SCNN1B: variants seen among roughly 807,000 people sequenced by gnomAD.
SCNN1B encodes sodium channel epithelial 1 subunit beta.
In SCNN1B, 46 loss-of-function variants were observed where a neutral mutation model predicts 65.3. The ratio of observed to expected loss-of-function variants is 0.70; its 90% CI spans 0.56 to 0.90. The LOEUF (loss-of-function observed/expected upper bound fraction) is 0.90. SCNN1B is among the 40% of genes least tolerant of loss of function. The pLI is 0.00. For missense variants in SCNN1B, 751 were observed against 830.5 expected (o/e 0.90, Z 1.18); for synonymous variants, 349 against 330.6 (o/e 1.06, Z -0.60).
chr16:23,351,357 T>C (rs152733), intron 2 of SCNN1B, among the ~76,000 whole-genome samples: 31,101 of 151,998 alleles, frequency 0.2, 3,393 homozygotes, highest in East Asian at 0.46. Flanking sequence ...GAGGTTAAGT[T>C]GCCCAAGATA....
chr16:23,300,980 T>G (rs548656336), upstream of SCNN1B, among the ~76,000 whole-genome samples: 1 of 138,218 alleles, frequency 7.2e-6, no homozygotes, highest in Admixed American at 7.2e-5. Flanking sequence ...ATAACATATA[T>G]GTGTTAAAAA....
chr16:23,347,033 G>T (rs1025953050), intron 1 of SCNN1B, among the ~76,000 whole-genome samples: 1 of 152,084 alleles, frequency 6.6e-6, no homozygotes, highest in Non-Finnish European at 1.5e-5. Context: ...GGAGTTCGAG[G>T]CTGCAGTGAG....
intron 7 of SCNN1B, among the ~76,000 whole-genome samples, chr16:23,374,066 G>A (rs1962838118): frequency 6.6e-6 from 1 of 152,048 alleles, no homozygotes; most frequent in South Asian, 2.1e-4. Context: ...GGGCCTGGAA[G>A]GACTCCCACT....
chr16:23,328,380 T>A (rs1369411376), intron 1 of SCNN1B, among the ~76,000 whole-genome samples: 1 of 152,136 alleles, frequency 6.6e-6, no homozygotes, highest in Admixed American at 6.6e-5. Flanking sequence ...ATTAAGTAAA[T>A]GATAGTATAA....
intron 1 of SCNN1B, among the ~76,000 whole-genome samples, chr16:23,279,252 G>A (rs1030448332): frequency 6.6e-6 from 1 of 152,094 alleles, no homozygotes; most frequent in Admixed American, 6.6e-5. Context: ...GCTAATTTTT[G>A]TATTTTTAGT....
intron 1 of SCNN1B, among the ~76,000 whole-genome samples, chr16:23,318,293 T>G (rs1961514102): frequency 6.6e-6 from 1 of 152,120 alleles, no homozygotes; most frequent in African/African-American, 2.4e-5. Context: ...TGCTTCCATC[T>G]CCTCGTCTAA....
intron 3 of SCNN1B, chr16:23,353,330 C>T: frequency 1.8e-6 from 1 of 547,724 alleles, no homozygotes; most frequent in South Asian, 2.1e-5. Context: ...CTAAGAAATC[C>T]AGAGGTATAC....
intron 1 of SCNN1B, among the ~76,000 whole-genome samples, chr16:23,311,221 C>A (rs1961337162): frequency 6.6e-6 from 1 of 152,272 alleles, no homozygotes; most frequent in Admixed American, 6.5e-5. Flanking sequence ...CTGGGAGCCA[C>A]TGGTGGCCCC....
intron 1 of SCNN1B, among the ~76,000 whole-genome samples, chr16:23,306,547 A>G (rs1596819337): frequency 6.8e-6 from 1 of 147,676 alleles, no homozygotes; most frequent in Admixed American, 6.7e-5. Context: ...AGGGAGGGAG[A>G]AGGAAGGAAA....
In SCNN1B at chr16:23,350,870, G is replaced by A. The variant is rs536749627; in HGVS notation, c.312-1931G>A. Among the ~76,000 whole-genome samples, 5 of 151,834 alleles carry A rather than the reference G, an allele frequency of 3.3e-5. No individual in the cohort carries two copies. In the East Asian group the frequency reaches 9.7e-4, roughly 30 times the overall value. On this transcript the variant is annotated intron_variant, in intron 2 of 12. Coordinates refer to ENST00000343070, the MANE Select transcript of SCNN1B (RefSeq NM_000336.3). ...GGAGGTTGCAGTGAGCCGAGATCTC[G>A]CCACTGCACTCCAGCCTGGGTGACA...
At chr16:23,333,648 GTACTAT>G (rs920788507) in intron 1 of SCNN1B, among the ~76,000 whole-genome samples, 4 of 152,116 alleles carry the variant, frequency 2.6e-5, no homozygotes, top group Non-Finnish European at 4.4e-5. Context: ...GAAGGCACAG[GTACTAT>G]TATTCCCATT....
In SCNN1B at chr16:23,310,069, T is replaced by C. The variant is rs150111598; in HGVS notation, c.-9+7632T>C. On this transcript the variant is annotated intron_variant, in intron 1 of 12. Transcript: ENST00000343070. Reference sequence around the variant, plus strand: ...AAGCACGCCCCTCCACACATCCTCTTTGAAGCACTGATTAAGAGTCAGAAG... The same window carrying C: ...AAGCACGCCCCTCCACACATCCTCTCTGAAGCACTGATTAAGAGTCAGAAG... 2.9e-4 allele frequency among the ~76,000 whole-genome samples: 44 copies of C among 152,156 alleles called. No homozygotes were observed. In the East Asian group the frequency reaches 7.5e-3, roughly 26 times the overall value.
intron 1 of SCNN1B, among the ~76,000 whole-genome samples, chr16:23,338,652 G>T (rs573404316): frequency 2.0e-5 from 3 of 152,158 alleles, no homozygotes; most frequent in African/African-American, 7.2e-5. Flanking sequence ...AGAGGGCTGG[G>T]TATAAGACAG....
At chr16:23,337,909 A>C (rs1428468235) in intron 1 of SCNN1B, among the ~76,000 whole-genome samples, 1 of 152,044 alleles carries the variant, frequency 6.6e-6, no homozygotes, top group Non-Finnish European at 1.5e-5. Flanking sequence ...CTACCAAAAA[A>C]AAATAATAAT....
intron 6 of SCNN1B, 50 bp from the exon 7 acceptor site, chr16:23,371,726 G>A: frequency 6.9e-7 from 1 of 1,455,658 alleles, no homozygotes; most frequent in Non-Finnish European, 9.7e-7. Flanking sequence ...GTGCAGAAAG[G>A]GCTTCCTGGG....
intron 7 of SCNN1B, among the ~76,000 whole-genome samples, chr16:23,374,551 G>A (rs1962851822): frequency 1.7e-5 from 2 of 119,784 alleles, no homozygotes; most frequent in Admixed American, 2.4e-4. Context: ...TACAGCCTGA[G>A]CAACAGAGCA....
intron 1 of SCNN1B, among the ~76,000 whole-genome samples, chr16:23,279,122 G>C (rs1596801437): frequency 6.6e-6 from 1 of 151,644 alleles, no homozygotes; most frequent in African/African-American, 2.4e-5. Flanking sequence ...TGTCACCCAG[G>C]CTGGAGTGCA....
At chr16:23,298,168 C>G (rs141587998), upstream of SCNN1B, among the ~76,000 whole-genome samples, 108 of 149,378 alleles carry the variant, frequency 7.2e-4, no homozygotes, top group African/African-American at 2.6e-3. Context: ...AGTCATTAAC[C>G]CTTTCAGACG....
chr16:23,320,407 G>A (rs1961562667), intron 1 of SCNN1B, among the ~76,000 whole-genome samples: 1 of 152,200 alleles, frequency 6.6e-6, no homozygotes, highest in Non-Finnish European at 1.5e-5. Flanking sequence ...CTCTCCCCAA[G>A]GGTTGGGGGG....
Sources: allele counts gnomAD v4.1 joint callset (sites outside exome capture counted in the v4.1 genomes callset), GRCh38; gene constraint gnomAD v4.1.1; transcripts MANE v1.5; gene names NCBI Gene and HGNC (gene_info 2026-07-23, HGNC 2026-07-21).